SUGP1: variants seen among roughly 807,000 people sequenced by gnomAD.
The protein encoded by SUGP1 is SURP and G-patch domain containing 1.
SUGP1 carries 34 observed loss-of-function variants against 76.5 expected under a neutral mutation model. The observed-to-expected ratio is 0.44, with a 90% CI of 0.34 to 0.59. The LOEUF is 0.59. Ranked by LOEUF, SUGP1 falls within the 20% of genes least tolerant of loss-of-function variation. The pLI is 0.01. For missense variants in SUGP1, 752 were observed against 851.7 expected, an observed-to-expected ratio of 0.88 and a Z score of 1.46; for synonymous variants, 326 against 326.2, an observed-to-expected ratio of 1.00 and a Z score of 0.01.
intron 2 of SUGP1, among the ~76,000 whole-genome samples, chr19:19,313,294 C>G (rs1176380517): frequency 3.9e-5 from 6 of 152,068 alleles, no homozygotes; most frequent in Admixed American, 2.6e-4. Flanking sequence ...ACTGGGGAGG[C>G]TGAGACAGAA....
At chr19:19,292,375 C>T (rs1277612081) in intron 8 of SUGP1, among the ~76,000 whole-genome samples, 1 of 151,966 alleles carries the variant, frequency 6.6e-6, no homozygotes, top group Non-Finnish European at 1.5e-5. Context: ...CTAGGATTAG[C>T]CTGATACCCA....
intron 8 of SUGP1, among the ~76,000 whole-genome samples, chr19:19,294,565 G>A (rs2061210642): frequency 2.0e-5 from 3 of 148,070 alleles, no homozygotes. Flanking sequence ...AAGAACTAAA[G>A]GTACAAAACT....
At position 19,276,286 on chromosome 19, in the gene SUGP1, A is replaced by G. The variant is rs1280549423; in HGVS notation, c.*362T>C. The G allele has an allele frequency of 4.4e-6, 1 of 226,136 alleles. No individual in the cohort carries two copies. Among genetic ancestry groups the G allele is most frequent in the Non-Finnish European group, 8.9e-6 (1 of 112,534 alleles). 14.0% of individuals were successfully genotyped at this position (226,136 alleles called of 1,614,324 possible). A position where few individuals can be genotyped will look rare whatever the true frequency, so the allele number is the denominator to read the frequency against. On this transcript the variant is annotated 3_prime_UTR_variant, in exon 14 of 14. Transcript: ENST00000247001. The stretch of plus-strand genomic sequence containing the variant: ...GGCTGGTCTTAAACTCCTGACCTCC[A>G]GTGATCCGCCCGCCTTGGCCTCTCA...
chr19:19,280,479 C>A (rs1357649348), intron 8 of SUGP1, 188 bp from the exon 9 acceptor site: 2 of 590,292 alleles, frequency 3.4e-6, no homozygotes, highest in Non-Finnish European at 3.0e-6. Flanking sequence ...CCACGTGCAC[C>A]CCCGCATCTT....
At chr19:19,285,838 T>C (rs2061135461) in intron 8 of SUGP1, among the ~76,000 whole-genome samples, 3 of 152,016 alleles carry the variant, frequency 2.0e-5, no homozygotes, top group East Asian at 3.9e-4. Flanking sequence ...GCACTGGGAT[T>C]ACAGGCATGA....
intron 4 of SUGP1, chr19:19,305,562 G>T (rs1300739855): frequency 8.9e-6 from 3 of 337,436 alleles, no homozygotes; most frequent in Non-Finnish European, 1.6e-5. Context: ...CGAGAAGGGC[G>T]TGCGCCCCTG....
Position 19,320,490 on chromosome 19 carries a change from G to A in SUGP1, c.7C>T (p.Leu3Phe). Residue 3 changes from leucine (L) to phenylalanine (F), a missense_variant, in exon 1 of 14, where the codon CTC becomes TTC. By Grantham distance (22) the Leu-to-Phe change is conservative. Coordinates refer to ENST00000247001, the MANE Select transcript of SUGP1 (RefSeq NM_172231.4). ...GCAACATCCCGGTTGTCCATCTTGAGACTCATCCAATCCCACAATGCTCCG... is the reference window on the plus strand; with the variant it reads ...GCAACATCCCGGTTGTCCATCTTGAAACTCATCCAATCCCACAATGCTCCG... MS[L>F]KMDNRDVAGK... is the part of the protein sequence containing the mutation. 6.2e-7 allele frequency: 1 copy of A among 1,610,496 alleles called. No homozygotes were observed. Among genetic ancestry groups the A allele is most frequent in the Non-Finnish European group, 8.5e-7 (1 of 1,178,768 alleles).
chr19:19,302,749 C>T (rs1425308701), intron 6 of SUGP1, among the ~76,000 whole-genome samples: 1 of 152,106 alleles, frequency 6.6e-6, no homozygotes, highest in African/African-American at 2.4e-5. Flanking sequence ...AGGCTCAGGG[C>T]ACAGGGCCAC....
chr19:19,288,765 G>T (rs2061160254), intron 8 of SUGP1, among the ~76,000 whole-genome samples: 2 of 151,900 alleles, frequency 1.3e-5, no homozygotes, highest in Admixed American at 1.3e-4. Flanking sequence ...CAAAAAAAAA[G>T]TTTATATTCA....
chr19:19,277,319 G>A (rs1568615971), intron 12 of SUGP1, among the ~76,000 whole-genome samples: 4 of 151,954 alleles, frequency 2.6e-5, no homozygotes, highest in Admixed American at 1.3e-4. Flanking sequence ...AGTTGTCGCA[G>A]CTCTTGGGAT....
chr19:19,306,867 T>C (rs1454232416), intron 3 of SUGP1, among the ~76,000 whole-genome samples: 1 of 152,120 alleles, frequency 6.6e-6, no homozygotes, highest in South Asian at 2.1e-4. Flanking sequence ...CCAGAGGACC[T>C]ACAGTGCAGA....
At chr19:19,285,094 C>T (rs1161147680) in intron 8 of SUGP1, among the ~76,000 whole-genome samples, 1 of 151,888 alleles carries the variant, frequency 6.6e-6, no homozygotes, top group Non-Finnish European at 1.5e-5. Flanking sequence ...GTCTCGATCT[C>T]CTGACCTCGT....
chr19:19,291,986 A>T (rs2061188439), intron 8 of SUGP1, among the ~76,000 whole-genome samples: 1 of 151,826 alleles, frequency 6.6e-6, no homozygotes, highest in African/African-American at 2.4e-5. Flanking sequence ...TTAAAAGAAG[A>T]AATAAGCCGC....
At chr19:19,292,891 G>A (rs762356877) in intron 8 of SUGP1, among the ~76,000 whole-genome samples, 1 of 151,844 alleles carries the variant, frequency 6.6e-6, no homozygotes, top group African/African-American at 2.4e-5. Context: ...GTAACCACAC[G>A]ATGATTTTAT....
At chr19:19,304,981 G>A (rs918955757) in intron 4 of SUGP1, among the ~76,000 whole-genome samples, 4 of 152,160 alleles carry the variant, frequency 2.6e-5, no homozygotes, top group African/African-American at 9.7e-5. Flanking sequence ...GGTCATAATG[G>A]GCTTCAAGGG....
intron 8 of SUGP1, among the ~76,000 whole-genome samples, chr19:19,283,068 C>A (rs1315827907): frequency 3.0e-5 from 4 of 132,622 alleles, no homozygotes; most frequent in African/African-American, 6.4e-5. Context: ...CAGAGTGAGA[C>A]TCCATCTCAA....
intron 7 of SUGP1, chr19:19,301,943 A>C (rs999652240): frequency 4.0e-5 from 14 of 352,856 alleles, no homozygotes; most frequent in Non-Finnish European, 7.3e-5. Context: ...TGAGAGCCTG[A>C]CTTGCCCCCG....
chr19:19,303,027 A>G (rs1419389048), intron 6 of SUGP1, among the ~76,000 whole-genome samples: 1 of 152,118 alleles, frequency 6.6e-6, no homozygotes, highest in Non-Finnish European at 1.5e-5. Flanking sequence ...TTAATGTAAC[A>G]AAGAACCAAC....
intron 3 of SUGP1, among the ~76,000 whole-genome samples, chr19:19,308,160 A>C (rs1313576533): frequency 6.6e-6 from 1 of 151,810 alleles, no homozygotes; most frequent in East Asian, 1.9e-4. Context: ...CCCCCCCATT[A>C]GTTGGGGTTA....
Sources: allele counts gnomAD v4.1 joint callset (sites outside exome capture counted in the v4.1 genomes callset), GRCh38; gene constraint gnomAD v4.1.1; transcripts MANE v1.5; gene names NCBI Gene and HGNC (gene_info 2026-07-23, HGNC 2026-07-21).